FBXL12: variants seen among roughly 807,000 people sequenced by gnomAD.
FBXL12 encodes F-box and leucine rich repeat protein 12, also known as F-box/LRR-repeat protein 12.
FBXL12 carries 22 observed loss-of-function variants against 24.9 expected under a neutral mutation model. That is an observed-to-expected ratio of 0.88 (90% CI 0.63 to 1.26). The LOEUF is 1.26. FBXL12 is among the 50% of genes most tolerant of loss of function. FBXL12 has a pLI of 0.00. For missense variants in FBXL12, 384 were observed against 434.1 expected (o/e 0.88, Z 1.03); for synonymous variants, 193 against 193.8 (o/e 1.00, Z 0.03).
At position 9,811,812 on chromosome 19, in the gene FBXL12, T is replaced by C; in HGVS notation, c.160-95A>G. 9.3e-7 allele frequency: 1 copy of C among 1,078,928 alleles called. No homozygotes were observed. The allele number at this position is 1,078,928 out of a possible 1,614,324, so 66.8% of individuals were successfully genotyped here. A position where few individuals can be genotyped will look rare whatever the true frequency, so the allele number is the denominator to read the frequency against. ...GACACACAACCCCGGGGTGGGGGAT[T>C]CTGGTGCCCTGCTGGGCTTCTGCCC... On this transcript the variant is annotated intron_variant, in intron 2 of 2. Transcript: ENST00000247977. The surrounding 1 kb of genome is among the most constrained non-coding windows in gnomAD (Gnocchi z 6.0).
intron 2 of FBXL12, among the ~76,000 whole-genome samples, chr19:9,815,366 C>T (rs1231476986): frequency 6.6e-6 from 1 of 152,234 alleles, no homozygotes; most frequent in Non-Finnish European, 1.5e-5. Context: ...CTCCCAGCTG[C>T]TTTCACAGGC....
In FBXL12 at chr19:9,811,540, C is replaced by T. The variant is rs145046400; in HGVS notation, c.337G>A (p.Asp113Asn). The change falls in exon 3 of 3, where the codon GAC becomes AAC. Residue 113 changes from aspartate to asparagine, a missense_variant. Coordinates refer to ENST00000247977, the MANE Select transcript of FBXL12 (RefSeq NM_017703.3). This position sits in a 1 kb window ranked among gnomAD's most constrained non-coding sequence, Gnocchi z 6.0. ...CTGGTGATGGGCACCATGCTCAGGT[C>T]GGCCACGTGCAGGCAGAGGCGCTTC... The part of the protein sequence containing the change: ...NLKRLCLHVA[D>N]LSMVPITSLP... The T allele has an allele frequency of 8.1e-6, 13 of 1,609,860 alleles. No individual in the cohort carries two copies. Among genetic ancestry groups the T allele is most frequent in the African/African-American group, 2.7e-5 (2 of 74,848 alleles).
At position 9,818,899 on chromosome 19, in the gene FBXL12, G is replaced by T; in HGVS notation, c.-86C>A. ...CGAGGCGGCTGACAGGGCGGCGGCCGCGACCTTCCCGTAGCCGGTCGAGAA... is the reference window on the plus strand; with the variant it reads ...CGAGGCGGCTGACAGGGCGGCGGCCTCGACCTTCCCGTAGCCGGTCGAGAA... On this transcript the variant is annotated 5_prime_UTR_variant, in exon 1 of 3. Transcript: ENST00000247977. 1 of 1,282,216 alleles carries T rather than the reference G, an allele frequency of 7.8e-7. No homozygotes were observed. Among genetic ancestry groups the T allele is most frequent in the Non-Finnish European group, 1.1e-6 (1 of 920,858 alleles). 79.4% of individuals were successfully genotyped at this position (1,282,216 alleles called of 1,614,324 possible).
intron 1 of FBXL12, 24 bp downstream of exon 1, chr19:9,818,703 CT>C (rs1300840536): frequency 1.3e-6 from 2 of 1,543,986 alleles, no homozygotes; most frequent in Admixed American, 3.9e-5. Context: ...CCGCCCTGCC[CT>C]TCCCCCCGGA....
At chr19:9,813,697 G>A (rs777400197) in intron 2 of FBXL12, among the ~76,000 whole-genome samples, 5 of 151,932 alleles carry the variant, frequency 3.3e-5, no homozygotes, top group Non-Finnish European at 7.4e-5. Flanking sequence ...GTAGAGACGC[G>A]GTTTCACCAT....
chr19:9,818,327 G>GGCCT, intron 2 of FBXL12: 1 of 588,366 alleles, frequency 1.7e-6, no homozygotes, highest in Non-Finnish European at 3.0e-6. Flanking sequence ...AGCCCCGTGA[G>GGCCT]GCAGGTACTG....
chr19:9,816,657 T>C (rs1237054236), intron 2 of FBXL12, among the ~76,000 whole-genome samples: 3 of 152,228 alleles, frequency 2.0e-5, no homozygotes, highest in Non-Finnish European at 4.4e-5. Context: ...TCTAGGAAGT[T>C]CCAAACTTTC....
At chr19:9,818,495 G>A in intron 2 of FBXL12, 50 bp downstream of exon 2, 1 of 1,522,722 alleles carries the variant, frequency 6.6e-7, no homozygotes, top group Non-Finnish European at 8.8e-7. Flanking sequence ...GGTCTTCGGG[G>A]TCCGGGCACC....
At chr19:9,816,287 C>T (rs2045882176) in intron 2 of FBXL12, among the ~76,000 whole-genome samples, 1 of 152,186 alleles carries the variant, frequency 6.6e-6, no homozygotes, top group Non-Finnish European at 1.5e-5. Context: ...GCTTGAATTT[C>T]TCCCTAGAAA....
At chr19:9,816,627 G>A (rs2045891334) in intron 2 of FBXL12, among the ~76,000 whole-genome samples, 1 of 152,112 alleles carries the variant, frequency 6.6e-6, no homozygotes, top group African/African-American at 2.4e-5. Flanking sequence ...AGCATTTTGG[G>A]CAAAGTCACT....
At chr19:9,816,583 C>T (rs956094259) in intron 2 of FBXL12, among the ~76,000 whole-genome samples, 18 of 152,330 alleles carry the variant, frequency 1.2e-4, no homozygotes, top group South Asian at 2.1e-4. Flanking sequence ...TCTGAGACCA[C>T]CTCAGCCTGG....
chr19:9,818,777 G>T lies in FBXL12; in HGVS notation c.37C>A (p.Leu13Ile). 2 of 1,556,448 alleles carry T rather than the reference G, an allele frequency of 1.3e-6. No individual in the cohort carries two copies. Among genetic ancestry groups the T allele is most frequent in the East Asian group, 2.4e-5 (1 of 42,136 alleles). ...ACCGGGAGGTAAGAGAAGATCTCGA[G>T]CAGGACCGAGTCCGGCAGTTCGACC... Reference protein sequence around the residue: ...TLVELPDSVLLEIFSYLPVRD... With the variant: ...TLVELPDSVLIEIFSYLPVRD... Residue 13 changes from leucine to isoleucine, a missense_variant, in exon 1 of 3, where the codon CTC (leucine) becomes ATC (isoleucine). By Grantham distance (5) the Leu-to-Ile change is conservative (BLOSUM62 2). Transcript: ENST00000247977.
chr19:9,813,243 T>A (rs2045800177), intron 2 of FBXL12: 1 of 1,231,412 alleles, frequency 8.1e-7, no homozygotes, highest in South Asian at 4.1e-5. Flanking sequence ...CTGCCTTTTA[T>A]TGCTGGATTT....
In FBXL12 at chr19:9,818,753, C is replaced by T. The variant is rs76722602; in HGVS notation, c.61G>A (p.Val21Ile). Residue 21 changes from valine to isoleucine, a missense_variant, in exon 1 of 3, where the codon GTA becomes ATA. Val to Ile is a conservative substitution (Grantham distance 29). Transcript: ENST00000247977. ...VLLEIFSYLP[V>I]RDRIRISRVC... is the part of the protein sequence containing the mutation. ...CTGGAGATGCGGATCCGGTCCCGTA[C>T]CGGGAGGTAAGAGAAGATCTCGAGC... The T allele has an allele frequency of 1.8e-4, 283 of 1,552,650 alleles. No homozygotes were observed. Among genetic ancestry groups the T allele is most frequent in the Non-Finnish European group, 2.4e-4 (271 of 1,146,472 alleles).
At chr19:9,817,001 A>G (rs1163645181) in intron 2 of FBXL12, among the ~76,000 whole-genome samples, 1 of 152,200 alleles carries the variant, frequency 6.6e-6, no homozygotes, top group Admixed American at 6.6e-5. Flanking sequence ...AGATCTTGTG[A>G]GACTTATTCA....
intron 2 of FBXL12, among the ~76,000 whole-genome samples, chr19:9,817,780 G>C (rs144193309): frequency 6.6e-6 from 1 of 152,264 alleles, no homozygotes; most frequent in East Asian, 1.9e-4. Flanking sequence ...AGCATTACCC[G>C]AAGTTCAGAA....
chr19:9,811,517 G>A lies in FBXL12; in HGVS notation c.360C>T (p.Thr120=). Residue 120 remains threonine, a synonymous_variant, in exon 3 of 3, where the codon ACC becomes ACT. Transcript: ENST00000247977. This position sits in a 1 kb window ranked among gnomAD's most constrained non-coding sequence, Gnocchi z 6.0. ...HVADLSMVPI[T]SLPSTLRTLE... ...GGGTCCTCAAGGTGCTGGGCAGGCT[G>A]GTGATGGGCACCATGCTCAGGTCGG... 1 of 1,613,486 alleles carries A rather than the reference G, an allele frequency of 6.2e-7. No homozygotes were observed. The highest frequency in any genetic ancestry group is 1.1e-5 in the South Asian group (1 of 91,006).
chr19:9,811,421 C>T lies in FBXL12; in HGVS notation c.456G>A (p.Leu152=), dbSNP rs2045748698. 1 of 1,613,592 alleles carries T rather than the reference C, an allele frequency of 6.2e-7. No homozygotes were observed. Among genetic ancestry groups the T allele is most frequent in the South Asian group, 1.1e-5 (1 of 91,090 alleles). ...CGCGGTCCAGCACGATGCATTCAAG[C>T]AGGGGCAGCACGGTGGGGTCCTGCT... ...HKQQDPTVLP[L]LECIVLDRVP... is the part of the protein sequence containing the mutation. Residue 152 remains leucine, a synonymous_variant, in exon 3 of 3, where the codon CTG becomes CTA. Coordinates refer to ENST00000247977, the MANE Select transcript of FBXL12 (RefSeq NM_017703.3). The surrounding 1 kb of genome is among the most constrained non-coding windows in gnomAD (Gnocchi z 6.0).
Position 9,811,945 on chromosome 19 carries a change from T to C in FBXL12, c.160-228A>G, listed in dbSNP as rs2045764265. Among the ~76,000 whole-genome samples the C allele has an allele frequency of 6.6e-6, 1 of 151,434 alleles. No homozygotes were observed. On this transcript the variant is annotated intron_variant, in intron 2 of 2. Coordinates refer to ENST00000247977, the MANE Select transcript of FBXL12 (RefSeq NM_017703.3). The surrounding 1 kb of genome is among the most constrained non-coding windows in gnomAD (Gnocchi z 6.0). ...TTTGAACAAATCTTTTTTTTTTTTT[T>C]TTTTTCTGAGACAGGTTCTTGCTCT...
Sources: allele counts gnomAD v4.1 joint callset (sites outside exome capture counted in the v4.1 genomes callset), GRCh38; gene constraint gnomAD v4.1.1; non-coding constraint Gnocchi (gnomAD v3.1); transcripts MANE v1.5; gene names NCBI Gene and HGNC (gene_info 2026-07-23, HGNC 2026-07-21).